The following ENDOV variants were observed in gnomAD, a reference collection of about 807,000 sequenced individuals.
ENDOV encodes hEndoV.
In ENDOV, 37 loss-of-function variants were observed where a neutral mutation model predicts 39.4. That is an observed-to-expected ratio of 0.94 (90% CI 0.72 to 1.23). ENDOV has a LOEUF of 1.23. Among genes scored for constraint, ENDOV ranks in the 50% most tolerant of loss-of-function variants. ENDOV has a pLI of 0.00. For synonymous variants in ENDOV, 186 were observed against 163.4 expected (o/e 1.14, Z -1.05); for missense variants, 441 against 375.7 (o/e 1.17, Z -1.44).
rs1389726625 is a variant in ENDOV at position 80,425,182 on chromosome 17, G to A, written c.585+82G>A. On this transcript the variant is annotated intron_variant, in intron 6 of 9. Transcript: ENST00000518137. ...GGCAGACACAGGTGCATGCAGACAC[G>A]CGTGCACTCACACTTGCCCACATCA... 26 of 1,250,984 alleles carry A rather than the reference G, an allele frequency of 2.1e-5. No individual in the cohort carries two copies. In the South Asian group the frequency reaches 2.3e-4, roughly 11 times the overall value. 77.5% of individuals were successfully genotyped at this position (1,250,984 alleles called of 1,614,324 possible). A position where few individuals can be genotyped will look rare whatever the true frequency, so the allele number is the denominator to read the frequency against.
Position 80,415,698 on chromosome 17 carries a change from G to A in ENDOV, c.105G>A (p.Ala35=), listed in dbSNP as rs926887992. 4 of 1,611,592 alleles carry A rather than the reference G, an allele frequency of 2.5e-6. No homozygotes were observed. In the African/African-American group the frequency reaches 4.0e-5, roughly 16 times the overall value. ...KAHVVDRDTE[A]WQRDPAFSGL... Reference sequence around the variant, plus strand: ...ACGTCGTAGACCGGGACACCGAGGCGTGGCAGCGAGACCCCGCCTTCTCGG... The same window carrying A: ...ACGTCGTAGACCGGGACACCGAGGCATGGCAGCGAGACCCCGCCTTCTCGG... The change falls in exon 2 of 10, where the codon GCG becomes GCA. Residue 35 remains alanine, a synonymous_variant. Coordinates refer to ENST00000518137, the MANE Select transcript of ENDOV (RefSeq NM_173627.5).
In ENDOV at chr17:80,425,570, C is replaced by T. The variant is rs764178841; in HGVS notation, c.664C>T (p.Arg222Cys). The T allele has an allele frequency of 1.1e-5, 17 of 1,592,138 alleles. No individual in the cohort carries two copies. The Admixed American group carries it at 1.4e-4, about 13-fold the overall frequency. ...CAGGATGAGCCTGGAGGCCGCTGTG[C>T]GCCTGACTTGCTGCTGCTGCAGGTT... Reference protein sequence around the residue: ...GHRMSLEAAVRLTCCCCRFRI... With the variant: ...GHRMSLEAAVCLTCCCCRFRI... The change falls in exon 7 of 10, where the codon CGC becomes TGC. Residue 222 changes from arginine to cysteine, a missense_variant. Arg to Cys is a radical substitution (Grantham distance 180). Transcript: ENST00000518137.
chr17:80,425,379 C>T, intron 6 of ENDOV, 113 bp from the exon 7 acceptor site: 3 of 1,444,026 alleles, frequency 2.1e-6, no homozygotes, highest in Non-Finnish European at 2.8e-6. Context: ...ACTGCCCCTT[C>T]AGCTTCCCCC....
At position 80,421,894 on chromosome 17, in the gene ENDOV, C is replaced by A. The variant is rs35171431; in HGVS notation, c.295C>A (p.Arg99=). 1 of 1,609,880 alleles carries A rather than the reference C, an allele frequency of 6.2e-7. No individual in the cohort carries two copies. The highest frequency in any genetic ancestry group is 8.5e-7 in the Non-Finnish European group (1 of 1,178,716). The change falls in exon 3 of 10, where the codon CGA becomes AGA. Residue 99 remains arginine (R), a synonymous_variant. Coordinates refer to ENST00000518137, the MANE Select transcript of ENDOV (RefSeq NM_173627.5). ...APYVSGFLAF[R]EVPFLLELVQ... ...CTACGTGTCGGGCTTCCTGGCCTTC[C>A]GAGAGGTGCCCTTCTTGCTGGAGCT...
intron 2 of ENDOV, chr17:80,419,524 G>T: frequency 1.4e-6 from 1 of 696,158 alleles, no homozygotes; most frequent in South Asian, 1.5e-5. Context: ...GCTGAGCAAT[G>T]GCTAGTGTGT....
intron 9 of ENDOV, among the ~76,000 whole-genome samples, chr17:80,431,928 T>C (rs1484213263): frequency 6.6e-6 from 1 of 150,990 alleles, no homozygotes; most frequent in Non-Finnish European, 1.5e-5. Flanking sequence ...AGGGGTGGAG[T>C]TGACAGCCGG....
At chr17:80,422,180 CTG>C (rs765831160) in intron 3 of ENDOV, 24 bp from the exon 4 acceptor site, 39 of 1,613,366 alleles carry the variant, frequency 2.4e-5, no homozygotes, top group South Asian at 1.9e-4. Flanking sequence ...GCTCAGCTGA[CTG>C]TGACTCTCCC....
intron 9 of ENDOV, 41 bp from the exon 10 acceptor site, chr17:80,436,092 A>G: frequency 6.2e-7 from 1 of 1,603,930 alleles, no homozygotes; most frequent in Non-Finnish European, 8.5e-7. Context: ...AACGCCTTTT[A>G]TTTCTTTTTC....
intron 2 of ENDOV, chr17:80,419,915 G>A (rs1158387819): frequency 3.9e-6 from 2 of 517,630 alleles, no homozygotes; most frequent in East Asian, 6.2e-5. Context: ...TGTTGAGATT[G>A]CTGGTCATCC....
chr17:80,435,184 G>A (rs555582543), intron 9 of ENDOV, among the ~76,000 whole-genome samples: 1 of 152,102 alleles, frequency 6.6e-6, no homozygotes, highest in Admixed American at 6.5e-5. Context: ...CCTGTGGGTT[G>A]TCATTATTTT....
chr17:80,417,538 TGTG>T (rs2081369025), intron 2 of ENDOV: 1 of 152,246 alleles, frequency 6.6e-6, no homozygotes, highest in Non-Finnish European at 1.5e-5. Flanking sequence ...GCAATCAGGT[TGTG>T]GTGACGGCGC....
At chr17:80,431,274 C>G (rs983264954) in intron 9 of ENDOV, among the ~76,000 whole-genome samples, 8 of 152,130 alleles carry the variant, frequency 5.3e-5, no homozygotes, top group Non-Finnish European at 7.4e-5. Context: ...CACTCAGGGC[C>G]GGGGAGTGCT....
chr17:80,419,870 T>C, intron 2 of ENDOV: 2 of 587,222 alleles, frequency 3.4e-6, no homozygotes, highest in Admixed American at 5.4e-5. Context: ...CTGGAAACAC[T>C]GGTAGCTTTT....
chr17:80,428,489 C>T, intron 7 of ENDOV, 107 bp from the exon 8 acceptor site: 1 of 1,101,036 alleles, frequency 9.1e-7, no homozygotes, highest in Non-Finnish European at 1.3e-6. Flanking sequence ...ACCTGTGTGT[C>T]CTGAGTGGGC....
Position 80,420,016 on chromosome 17 carries a change from G to A in ENDOV, c.229-1812G>A, listed in dbSNP as rs41298684. 8.9e-3 allele frequency: 2,591 copies of A among 291,434 alleles called. 64 individuals are homozygous for A. Among genetic ancestry groups the A allele is most frequent in the African/African-American group, 0.052 (2,419 of 46,750 alleles). The allele number at this position is 291,434 out of a possible 1,614,324, so 18.1% of individuals were successfully genotyped here. ...ACATACATCCCCCCAAATTGGAAAAGGATACGTTGGACACCTGTATTCCTT... is the reference window on the plus strand; with the variant it reads ...ACATACATCCCCCCAAATTGGAAAAAGATACGTTGGACACCTGTATTCCTT... On this transcript the variant is annotated intron_variant, in intron 2 of 9. Coordinates refer to ENST00000518137, the MANE Select transcript of ENDOV (RefSeq NM_173627.5).
In ENDOV at chr17:80,436,556, T is replaced by A. The variant is rs1339998490; in HGVS notation, c.*413T>A. 2.8e-5 allele frequency: 9 copies of A among 318,510 alleles called. No individual in the cohort carries two copies. The highest frequency in any genetic ancestry group is 5.2e-5 in the Non-Finnish European group (9 of 172,958). The allele number at this position is 318,510 out of a possible 1,614,324, so 19.7% of individuals were successfully genotyped here. A position where few individuals can be genotyped will look rare whatever the true frequency, so the allele number is the denominator to read the frequency against. On this transcript the variant is annotated 3_prime_UTR_variant, in exon 10 of 10. Coordinates refer to ENST00000518137, the MANE Select transcript of ENDOV (RefSeq NM_173627.5). ...CCTGTGTTCTTCTGTGAATATGAGG[T>A]GTTACATTGATTGATTTTCATATGT...
At chr17:80,415,355 C>G in intron 1 of ENDOV, 105 bp downstream of exon 1, 1 of 1,351,866 alleles carries the variant, frequency 7.4e-7, no homozygotes, top group Non-Finnish European at 1.0e-6. Flanking sequence ...GAGCTGCCAC[C>G]GCCCGAGACT....
At chr17:80,432,886 C>T (rs1001725424) in intron 9 of ENDOV, among the ~76,000 whole-genome samples, 3 of 152,170 alleles carry the variant, frequency 2.0e-5, no homozygotes, top group Admixed American at 1.3e-4. Flanking sequence ...GGAAACATGG[C>T]ACCCAGCTGG....
At chr17:80,422,334 G>A (rs1166185073) in intron 4 of ENDOV, 89 bp downstream of exon 4, 1 of 1,501,200 alleles carries the variant, frequency 6.7e-7, no homozygotes, top group African/African-American at 1.4e-5. Context: ...GAAAATGCTG[G>A]GCCCTCGGCC....
Sources: gnomAD v4.1 joint callset for allele counts (sites outside exome capture counted in the v4.1 genomes callset) on GRCh38, gnomAD v4.1.1 for gene constraint, MANE v1.5 for transcripts, NCBI Gene and HGNC (gene_info 2026-07-23, HGNC 2026-07-21) for gene names.